The following RMDN3 variants were observed in gnomAD, a reference collection of about 807,000 sequenced individuals.
RMDN3 encodes regulator of microtubule dynamics protein 3.
Under a neutral mutation model 61.8 loss-of-function variants are expected in RMDN3, and 41 were observed. The observed-to-expected ratio is 0.66, with a 90% CI of 0.52 to 0.86. The LOEUF (loss-of-function observed/expected upper bound fraction) is 0.86. RMDN3 is among the 40% of genes least tolerant of loss of function. The pLI is 0.00. For synonymous variants in RMDN3, 247 were observed against 232.0 expected, an observed-to-expected ratio of 1.06 and a Z score of -0.59; for missense variants, 557 against 585.3, an observed-to-expected ratio of 0.95 and a Z score of 0.50.
At chr15:40,742,465 A>C (rs951040101) in intron 6 of RMDN3, among the ~76,000 whole-genome samples, 2 of 152,140 alleles carry the variant, frequency 1.3e-5, no homozygotes, top group Non-Finnish European at 2.9e-5. Flanking sequence ...AATAGCAAAG[A>C]ATGAGACAAC....
intron 4 of RMDN3, chr15:40,747,604 C>CA (rs1897628470): frequency 6.6e-6 from 1 of 152,146 alleles, no homozygotes; most frequent in African/African-American, 2.4e-5. Flanking sequence ...AGAAATCTAC[C>CA]AGAGAGGAGT....
chr15:40,753,591 C>T (rs1184335386), intron 2 of RMDN3, among the ~76,000 whole-genome samples: 9 of 152,138 alleles, frequency 5.9e-5, no homozygotes, highest in Non-Finnish European at 1.2e-4. Context: ...GTAGTTTGAA[C>T]CAGCCCTAGA....
chr15:40,752,322 A>G, intron 2 of RMDN3, 144 bp from the exon 3 acceptor site: 2 of 812,310 alleles, frequency 2.5e-6, no homozygotes, highest in South Asian at 1.8e-5. Flanking sequence ...CAGCCAGGTC[A>G]TGGTAACAAG....
chr15:40,752,273 G>A, intron 2 of RMDN3, 95 bp from the exon 3 acceptor site: 2 of 1,292,696 alleles, frequency 1.5e-6, no homozygotes, highest in Non-Finnish European at 2.1e-6. Context: ...CTTTCCATTG[G>A]AAGAGAAGGC....
intron 5 of RMDN3, 83 bp from the exon 6 acceptor site, chr15:40,744,232 G>C (rs1248887284): frequency 7.7e-7 from 1 of 1,306,006 alleles, no homozygotes; most frequent in East Asian, 2.3e-5. Context: ...CACACCCTAG[G>C]TTTGAATTTC....
Position 40,754,597 on chromosome 15 carries a change from C to T in RMDN3, c.187G>A (p.Val63Met). 1.9e-6 allele frequency: 3 copies of T among 1,610,138 alleles called. No homozygotes were observed. Among genetic ancestry groups the T allele is most frequent in the Non-Finnish European group, 2.5e-6 (3 of 1,177,508 alleles). ...YTQTSDPGRH[V>M]MLLRAVPGGA... ...GCGGTCTCAGGAGACGGGCTCCTAC[C>T]GTGGCGTCCGGGATCTGAAGTCTGC... Residue 63 changes from valine (V) to methionine (M), a missense_variant and splice_region_variant, in exon 2 of 13, where the codon GTG (valine) becomes ATG (methionine). Transcript: ENST00000338376.
rs200641467 is a variant in RMDN3 at position 40,744,071 on chromosome 15, C to T, written c.886G>A (p.Glu296Lys). The change falls in exon 6 of 13, where the codon GAG (glutamate) becomes AAG (lysine). Residue 296 changes from glutamate to lysine, a missense_variant. Glu to Lys is a moderately conservative substitution (Grantham distance 56). Coordinates refer to ENST00000338376, the MANE Select transcript of RMDN3 (RefSeq NM_018145.3). ...DMCELTEEVS[E>K]KKSYALDGKE... ...CCATCTAGGGCATATGACTTCTTCT[C>T]GCTCACCTCCTCAGTGAGCTCACAC... The T allele has an allele frequency of 2.2e-5, 35 of 1,613,170 alleles. No homozygotes were observed. Among genetic ancestry groups the T allele is most frequent in the South Asian group, 3.3e-5 (3 of 91,060 alleles).
At chr15:40,744,656 C>A (rs573785735) in intron 5 of RMDN3, among the ~76,000 whole-genome samples, 19 of 152,096 alleles carry the variant, frequency 1.2e-4, no homozygotes, top group Admixed American at 4.6e-4. Flanking sequence ...AAATACAGTT[C>A]TTTCCACATT....
rs749388553 is a variant in RMDN3, at chr15:40,737,165, A to G, written c.1318T>C (p.Trp440Arg). ...GGCAGCTCCAGGGCCAACTTCATCC[A>G]CCATCTAGCTTCAGAGTTTTTCCCT... The part of the protein sequence containing the change: ...ELGKNSEARW[W>R]MKLALELPDV... Residue 440 changes from tryptophan to arginine, a missense_variant, in exon 12 of 13, where the codon TGG becomes CGG. Trp to Arg is a moderately radical substitution (Grantham distance 101). Transcript: ENST00000338376. 3.7e-6 allele frequency: 6 copies of G among 1,614,112 alleles called. No individual in the cohort carries two copies. The African/African-American group carries it at 8.0e-5, about 22-fold the overall frequency.
At chr15:40,752,270 T>C (rs1173510586) in intron 2 of RMDN3, 92 bp from the exon 3 acceptor site, 1 of 1,340,026 alleles carries the variant, frequency 7.5e-7, no homozygotes, top group South Asian at 1.4e-5. Context: ...CTGCTTTCCA[T>C]TGGAAGAGAA....
At position 40,736,451 on chromosome 15, in the gene RMDN3, T is replaced by TCCTGATCTCAGCAAGGTCTAAG. The variant is rs1897047231; in HGVS notation, c.*68_*89dup. The TCCTGATCTCAGCAAGGTCTAAG allele has an allele frequency of 1.7e-6, 2 of 1,169,686 alleles. No homozygotes were observed. Among genetic ancestry groups the TCCTGATCTCAGCAAGGTCTAAG allele is most frequent in the Admixed American group, 1.8e-5 (1 of 55,456 alleles). 72.5% of individuals were successfully genotyped at this position (1,169,686 alleles called of 1,614,324 possible). On this transcript the variant is annotated 3_prime_UTR_variant, in exon 13 of 13. Transcript: ENST00000338376. ...ACCCAGGAGACAGATTTGTGTGGTT[T>TCCTGATCTCAGCAAGGTCTAAG]CCTGATCTCAGCAAGGTCTAAGGAA... is the stretch of plus-strand genomic sequence containing the variant.
chr15:40,740,380 T>C (rs562837222), intron 6 of RMDN3, among the ~76,000 whole-genome samples, 187 bp from the exon 7 acceptor site: 2 of 152,370 alleles, frequency 1.3e-5, no homozygotes, highest in Admixed American at 6.5e-5. Flanking sequence ...CTCACGCCTC[T>C]GTGCTGTGTA....
In RMDN3 at chr15:40,751,581, G is replaced by A. The variant is rs1346012811; in HGVS notation, c.381-12C>T. 1 of 1,614,070 alleles carries A rather than the reference G, an allele frequency of 6.2e-7. No individual in the cohort carries two copies. Among genetic ancestry groups the A allele is most frequent in the Non-Finnish European group, 8.5e-7 (1 of 1,180,030 alleles). On this transcript the variant is annotated splice_polypyrimidine_tract_variant and intron_variant, in intron 3 of 12. Transcript: ENST00000338376. ...CTTCCATGTGGCATCTGGAAAGCAGGCCCCATCCCGAAGGGTACCATTAGG... is the reference window on the plus strand; with the variant it reads ...CTTCCATGTGGCATCTGGAAAGCAGACCCCATCCCGAAGGGTACCATTAGG...
chr15:40,746,299 A>G (rs1358579701), intron 4 of RMDN3, among the ~76,000 whole-genome samples: 2 of 152,146 alleles, frequency 1.3e-5, no homozygotes, highest in Non-Finnish European at 2.9e-5. Flanking sequence ...GCGGATCAGG[A>G]GGTCAGGAGA....
Position 40,736,348 on chromosome 15 carries a change from GAGTACTGCCCCAATTCTAGATT to G in RMDN3, c.*171_*192del. ...AGAGAACAACAGAAACGGAAGCCAT[GAGTACTGCCCCAATTCTAGATT>G]AGGTTAGAGGTTAGAATAAATTAAC... On this transcript the variant is annotated 3_prime_UTR_variant, in exon 13 of 13. Coordinates refer to ENST00000338376, the MANE Select transcript of RMDN3 (RefSeq NM_018145.3). The G allele has an allele frequency of 1.8e-6, 1 of 542,502 alleles. No homozygotes were observed. The highest frequency in any genetic ancestry group is 3.3e-6 in the Non-Finnish European group (1 of 306,058). The allele number at this position is 542,502 out of a possible 1,614,324, so 33.6% of individuals were successfully genotyped here.
At chr15:40,737,505 GAACAGGCAAACACA>G in intron 10 of RMDN3, 109 bp downstream of exon 10, 1 of 1,135,652 alleles carries the variant, frequency 8.8e-7, no homozygotes. Context: ...TTTTCCCATA[GAACAGGCAAACACA>G]AAATTGCCCC....
At chr15:40,751,785 A>G in intron 3 of RMDN3, 5 of 829,828 alleles carry the variant, frequency 6.0e-6, no homozygotes, top group South Asian at 5.0e-5. Context: ...TTCAGCTGCT[A>G]CAACAGATCA....
rs373934020 is a variant in RMDN3, at chr15:40,752,150, C to A, written c.216G>T (p.Gly72=). 1 of 1,614,024 alleles carries A rather than the reference C, an allele frequency of 6.2e-7. No individual in the cohort carries two copies. The highest frequency in any genetic ancestry group is 8.5e-7 in the Non-Finnish European group (1 of 1,180,006). Reference sequence around the variant, plus strand: ...TGGGCAGCACTGAGGCATCTCCAGCCCCACCTGGGACAGCCCGCAGGAGCA... The same window carrying A: ...TGGGCAGCACTGAGGCATCTCCAGCACCACCTGGGACAGCCCGCAGGAGCA... The part of the protein sequence containing the change: ...HVMLLRAVPG[G]AGDASVLPSL... The change falls in exon 3 of 13, where the codon GGG becomes GGT. Residue 72 remains glycine, a synonymous_variant. Transcript: ENST00000338376.
chr15:40,743,970 C>G, intron 6 of RMDN3, 77 bp downstream of exon 6: 3 of 1,275,026 alleles, frequency 2.4e-6, no homozygotes, highest in Non-Finnish European at 3.3e-6. Context: ...GGTGGTTCCC[C>G]GGGTCCCCAG....
Sources: gnomAD v4.1 joint callset for allele counts (sites outside exome capture counted in the v4.1 genomes callset) on GRCh38, gnomAD v4.1.1 for gene constraint, MANE v1.5 for transcripts, NCBI Gene and HGNC (gene_info 2026-07-23, HGNC 2026-07-21) for gene names.